SYVN1: variants seen among roughly 807,000 people sequenced by gnomAD.
SYVN1 encodes synoviolin 1.
In SYVN1, 17 loss-of-function variants were observed where a neutral mutation model predicts 62.6. The ratio of observed to expected loss-of-function variants is 0.27; its 90% CI spans 0.19 to 0.41. The LOEUF (loss-of-function observed/expected upper bound fraction) is 0.41, where lower values mean the gene tolerates loss of function less well. Among genes scored for constraint, SYVN1 ranks in the 10% least tolerant of loss-of-function variants. SYVN1 has a pLI of 1.00. For synonymous variants in SYVN1, 316 were observed against 304.0 expected, an observed-to-expected ratio of 1.04 and a Z score of -0.41; for missense variants, 634 against 818.0, an observed-to-expected ratio of 0.78 and a Z score of 2.74.
intron 6 of SYVN1, among the ~76,000 whole-genome samples, 157 bp from the exon 7 acceptor site, chr11:65,131,753 AC>A (rs1948183505): frequency 1.3e-5 from 2 of 152,142 alleles, no homozygotes; most frequent in South Asian, 4.1e-4. Context: ...ACTAGCTGTG[AC>A]TTTTGGCAAC....
Position 65,130,308 on chromosome 11 carries a change from G to A in SYVN1, c.1177C>T (p.Pro393Ser). The change falls in exon 12 of 16, where the codon CCT (proline) becomes TCT (serine). Residue 393 changes from proline to serine, a missense_variant. Physicochemically the swap from Pro to Ser is moderately conservative, Grantham distance 74 (BLOSUM62 -1). Transcript: ENST00000377190. ...CCTGAGCTGGGGGGAGGCGGGACAG[G>A]TGGAAAGGGGCCCATGGGGGGCCAC... is the stretch of plus-strand genomic sequence containing the variant. ...PLWPPMGPFP[P>S]VPPPPSSGEA... The A allele has an allele frequency of 6.3e-7, 1 of 1,589,436 alleles. No homozygotes were observed. The highest frequency in any genetic ancestry group is 1.3e-5 in the African/African-American group (1 of 74,376).
At position 65,131,365 on chromosome 11, in the gene SYVN1, T is replaced by G; in HGVS notation, c.667A>C (p.Lys223Gln). 1 of 1,613,838 alleles carries G rather than the reference T, an allele frequency of 6.2e-7. No individual in the cohort carries two copies. Among genetic ancestry groups the G allele is most frequent in the Non-Finnish European group, 8.5e-7 (1 of 1,179,918 alleles). The change falls in exon 8 of 16, where the codon AAG becomes CAG. Residue 223 changes from lysine (K) to glutamine (Q), a missense_variant. Lys to Gln is a moderately conservative substitution (Grantham distance 53). Around this residue, in one of 2 missense-constraint regions of SYVN1, gnomAD observed 283 missense variants for 444.7 expected, o/e 0.64. Coordinates refer to ENST00000377190, the MANE Select transcript of SYVN1 (RefSeq NM_172230.3). ...ATGAAGGCCATGTACAGCAGAACCT[T>G]GATGAAGCCTGAGGGGAGGGGATGC... ...LYTELFTGFI[K>Q]VLLYMAFMTI...
Position 65,127,349 on chromosome 11 carries a change from TTAAA to T in SYVN1, c.*1029_*1032del, listed in dbSNP as rs1237079742. The T allele has an allele frequency of 2.0e-5, 7 of 342,032 alleles. No individual in the cohort carries two copies. Among genetic ancestry groups the T allele is most frequent in the African/African-American group, 1.5e-4 (7 of 47,006 alleles). 21.2% of individuals were successfully genotyped at this position (342,032 alleles called of 1,614,324 possible). On this transcript the variant is annotated 3_prime_UTR_variant, in exon 16 of 16. Transcript: ENST00000377190. ...TTAAAATTTGTACAATATTTACAAA[TTAAA>T]TAATCATCTGAAACTGTCTCCAACA...
Position 65,127,410 on chromosome 11 carries a change from C to T in SYVN1, c.*972G>A. The T allele has an allele frequency of 4.9e-6, 1 of 202,138 alleles. No homozygotes were observed. The highest frequency in any genetic ancestry group is 1.2e-4 in the South Asian group (1 of 8,424). The allele number at this position is 202,138 out of a possible 1,614,324, so 12.5% of individuals were successfully genotyped here. On this transcript the variant is annotated 3_prime_UTR_variant, in exon 16 of 16. Coordinates refer to ENST00000377190, the MANE Select transcript of SYVN1 (RefSeq NM_172230.3). ...GTAACACAAAACCAAGGGGAAAAGA[C>T]AGGGGCAGGCAGGTCCCAGCTCCTG...
Position 65,131,534 on chromosome 11 carries a change from G to A in SYVN1, c.594C>T (p.Asp198=), listed in dbSNP as rs1948180213. The stretch of plus-strand genomic sequence containing the variant: ...TGTCCCAGGGGTTCTCACTCTGGAG[G>A]TCCACGGAGTGCAGCACATACTTGA... ...IFIKYVLHSV[D]LQSENPWDNK... Residue 198 remains aspartate, a synonymous_variant, in exon 7 of 16, where the codon GAC becomes GAT. Coordinates refer to ENST00000377190, the MANE Select transcript of SYVN1 (RefSeq NM_172230.3). The A allele has an allele frequency of 1.2e-6, 2 of 1,614,018 alleles. No individual in the cohort carries two copies. The highest frequency in any genetic ancestry group is 1.7e-4 in the Middle Eastern group (1 of 6,052).
At chr11:65,132,094 G>A (rs997324340) in intron 6 of SYVN1, among the ~76,000 whole-genome samples, 154 bp downstream of exon 6, 4 of 152,184 alleles carry the variant, frequency 2.6e-5, no homozygotes, top group Non-Finnish European at 5.9e-5. Context: ...AGGAGTGAGC[G>A]TGTGGAGGGC....
chr11:65,133,669 G>A lies in SYVN1; in HGVS notation c.-17-51C>T. 3.4e-6 allele frequency: 5 copies of A among 1,479,540 alleles called. No homozygotes were observed. In the South Asian group the frequency reaches 6.0e-5, roughly 18 times the overall value. 91.7% of individuals were successfully genotyped at this position (1,479,540 alleles called of 1,614,324 possible). The stretch of plus-strand genomic sequence containing the variant: ...TGTGATGCTCGTGCTGTGCAAAATA[G>A]CCCGGTGCCTGGCACAGCCTCAATT... On this transcript the variant is annotated intron_variant, in intron 1 of 15. Coordinates refer to ENST00000377190, the MANE Select transcript of SYVN1 (RefSeq NM_172230.3).
At chr11:65,132,593 T>G (rs1948195286) in intron 5 of SYVN1, 139 bp downstream of exon 5, 1 of 1,094,636 alleles carries the variant, frequency 9.1e-7, no homozygotes. Context: ...AGCCCTAGAG[T>G]GGAACAGCAC....
chr11:65,129,607 GGGCCTGTAGATA>G lies in SYVN1; in HGVS notation c.1595+110_1595+121del, dbSNP rs138519650. The G allele has an allele frequency of 1.3e-3, 1,095 of 874,596 alleles. 4 individuals carry two copies. In the African/African-American group the frequency reaches 0.014, roughly 11 times the overall value. The allele number at this position is 874,596 out of a possible 1,614,324, so 54.2% of individuals were successfully genotyped here. The stretch of plus-strand genomic sequence containing the variant: ...CCAAGAACTCCTGGAGACCCTTGGT[GGGCCTGTAGATA>G]GGCAGCCTGAATTGGCAGGTGTCAA... On this transcript the variant is annotated intron_variant, in intron 14 of 15. Transcript: ENST00000377190.
Position 65,132,294 on chromosome 11 carries a change from C to T in SYVN1, c.485G>A (p.Ser162Asn). The T allele has an allele frequency of 6.2e-7, 1 of 1,614,118 alleles. No individual in the cohort carries two copies. The highest frequency in any genetic ancestry group is 1.1e-5 in the South Asian group (1 of 91,082). The change falls in exon 6 of 16, where the codon AGC (serine) becomes AAC (asparagine). Residue 162 changes from serine (S) to asparagine (N), a missense_variant. Transcript: ENST00000377190. ...DFLFVSHAYH[S>N]ILTRGASVQL... Reference sequence around the variant, plus strand: ...CACAGAGGCCCCACGGGTCAGGATGCTGTGATAGGCGTGGCTGACGAAGAG... The same window carrying T: ...CACAGAGGCCCCACGGGTCAGGATGTTGTGATAGGCGTGGCTGACGAAGAG...
In SYVN1 at chr11:65,128,175, G is replaced by A. The variant is rs1408614070; in HGVS notation, c.*207C>T. ...AGAGTTGGAGAGGAAGGCTGGAACT[G>A]ACCCGAGATCCCCATGGCTGCCTGG... is the stretch of plus-strand genomic sequence containing the variant. On this transcript the variant is annotated 3_prime_UTR_variant, in exon 16 of 16. Coordinates refer to ENST00000377190, the MANE Select transcript of SYVN1 (RefSeq NM_172230.3). 1.7e-6 allele frequency: 1 copy of A among 602,576 alleles called. No homozygotes were observed. The highest frequency in any genetic ancestry group is 2.8e-5 in the East Asian group (1 of 36,220). The allele number at this position is 602,576 out of a possible 1,614,324, so 37.3% of individuals were successfully genotyped here. A position where few individuals can be genotyped will look rare whatever the true frequency, so the allele number is the denominator to read the frequency against.
chr11:65,130,221 C>A, intron 12 of SYVN1, 30 bp downstream of exon 12: 1 of 1,609,426 alleles, frequency 6.2e-7, no homozygotes, highest in Non-Finnish European at 8.5e-7. Context: ...CCCTGCCGCC[C>A]CCTGGCTGTC....
Position 65,128,264 on chromosome 11 carries a change from C to CA in SYVN1, c.*117dup, listed in dbSNP as rs1304842843. On this transcript the variant is annotated 3_prime_UTR_variant, in exon 16 of 16. Transcript: ENST00000377190. The stretch of plus-strand genomic sequence containing the variant: ...GGCCTAGGGGATGCCGCCTCTTTCT[C>CA]AGAGCTGGGGGTACTACTCCCTGGT... The CA allele has an allele frequency of 4.7e-6, 4 of 849,314 alleles. No individual in the cohort carries two copies. Among genetic ancestry groups the CA allele is most frequent in the African/African-American group, 3.4e-5 (2 of 58,884 alleles). The allele number at this position is 849,314 out of a possible 1,614,324, so 52.6% of individuals were successfully genotyped here.
At chr11:65,130,855 G>T in intron 10 of SYVN1, 32 bp from the exon 11 acceptor site, 7 of 1,602,360 alleles carry the variant, frequency 4.4e-6, no homozygotes, top group Non-Finnish European at 6.0e-6. Flanking sequence ...AGGTCAGCAG[G>T]TCCCTAGGGG....
At position 65,128,338 on chromosome 11, in the gene SYVN1, G is replaced by T. The variant is rs1948127703; in HGVS notation, c.*44C>A. 6.7e-7 allele frequency: 1 copy of T among 1,499,430 alleles called. No homozygotes were observed. The highest frequency in any genetic ancestry group is 2.3e-5 in the East Asian group (1 of 43,432). The allele number at this position is 1,499,430 out of a possible 1,614,324, so 92.9% of individuals were successfully genotyped here. A position where few individuals can be genotyped will look rare whatever the true frequency, so the allele number is the denominator to read the frequency against. ...TTGGTGGCAGGACATGTTCCAGCGA[G>T]GGCTGCTCAAAAGAGCAGAGGCTGG... On this transcript the variant is annotated 3_prime_UTR_variant, in exon 16 of 16. Transcript: ENST00000377190.
Position 65,133,033 on chromosome 11 carries a change from A to T in SYVN1, c.267T>A (p.Cys89Ter), listed in dbSNP as rs780348850. 1 of 1,614,246 alleles carries T rather than the reference A, an allele frequency of 6.2e-7. No individual in the cohort carries two copies. Among genetic ancestry groups the T allele is most frequent in the South Asian group, 1.1e-5 (1 of 91,082 alleles). ...CATCCCGAAAAACGGTGAAGGCCAG[A>T]CAAGTCTCTGTGACGGCGTACCAGG... ...ERSWYAVTET[C>*]LAFTVFRDDF... is the part of the protein sequence containing the mutation. Residue 89 changes from cysteine (C) to a stop codon, truncating the protein, a stop_gained, in exon 4 of 16, where the codon TGT (cysteine) becomes TGA (stop). Transcript: ENST00000377190. LOFTEE classifies it high-confidence loss of function.
intron 14 of SYVN1, chr11:65,129,451 G>A: frequency 2.6e-6 from 1 of 387,044 alleles, no homozygotes; most frequent in Non-Finnish European, 4.7e-6. Context: ...CTAAAGCACT[G>A]CAAATTCTGA....
In SYVN1 at chr11:65,128,002, A is replaced by C; in HGVS notation, c.*380T>G. 3.3e-6 allele frequency: 1 copy of C among 301,332 alleles called. No individual in the cohort carries two copies. 18.7% of individuals were successfully genotyped at this position (301,332 alleles called of 1,614,324 possible). On this transcript the variant is annotated 3_prime_UTR_variant, in exon 16 of 16. Transcript: ENST00000377190. ...GAGTCCACACTTGGGAACGGGAGCT[A>C]ATACTGTTCGGCACTGCAGTGTGAC...
At position 65,133,170 on chromosome 11, in the gene SYVN1, G is replaced by A. The variant is rs781028813; in HGVS notation, c.215C>T (p.Ala72Val). 3 of 1,614,144 alleles carry A rather than the reference G, an allele frequency of 1.9e-6. No individual in the cohort carries two copies. Among genetic ancestry groups the A allele is most frequent in the Non-Finnish European group, 2.5e-6 (3 of 1,180,022 alleles). The stretch of plus-strand genomic sequence containing the variant: ...CAGCCGACATCTTACCTCCATCTCT[G>A]CTGCCCTCAGTTGCCCAAAGAACAC... Reference protein sequence around the residue: ...GKVFFGQLRAAEMEHLLERSW... With the variant: ...GKVFFGQLRAVEMEHLLERSW... The change falls in exon 3 of 16, where the codon GCA becomes GTA. Residue 72 changes from alanine (A) to valine (V), a missense_variant. Coordinates refer to ENST00000377190, the MANE Select transcript of SYVN1 (RefSeq NM_172230.3).
Sources: gnomAD v4.1 joint callset for allele counts (sites outside exome capture counted in the v4.1 genomes callset) on GRCh38, gnomAD v4.1.1 for gene constraint, gnomAD v4.1.1 regional missense constraint, MANE v1.5 for transcripts, NCBI Gene and HGNC (gene_info 2026-07-23, HGNC 2026-07-21) for gene names.